SDK1: variants seen among roughly 807,000 people sequenced by gnomAD.
SDK1 encodes the protein sidekick cell adhesion molecule 1.
In SDK1, 157 loss-of-function variants were observed where a neutral mutation model predicts 245.5. The observed-to-expected ratio is 0.64, with a 90% CI of 0.56 to 0.73. SDK1 has a LOEUF of 0.73. Among genes scored for constraint, SDK1 ranks in the 30% least tolerant of loss-of-function variants. The pLI, the probability that SDK1 is intolerant of heterozygous loss-of-function variation, is 0.00. For missense variants in SDK1, 3,583 were observed against 3,002.3 expected, an observed-to-expected ratio of 1.19 and a Z score of -4.52; for synonymous variants, 1,647 against 1,278.5, an observed-to-expected ratio of 1.29 and a Z score of -6.15.
chr7:3,414,309 G>C (rs948535730), intron 1 of SDK1, among the ~76,000 whole-genome samples: 2 of 152,072 alleles, frequency 1.3e-5, no homozygotes, highest in East Asian at 3.9e-4. Flanking sequence ...GTGACGGAAT[G>C]GACTGTTTGG....
chr7:3,598,659 C>CT (rs1382891126), intron 1 of SDK1, among the ~76,000 whole-genome samples: 1 of 152,186 alleles, frequency 6.6e-6, no homozygotes. Context: ...AATCCCTTCT[C>CT]TATTTCTATA....
intron 1 of SDK1, among the ~76,000 whole-genome samples, chr7:3,404,262 A>G (rs558387726): frequency 6.6e-6 from 1 of 152,206 alleles, no homozygotes; most frequent in Non-Finnish European, 1.5e-5. Context: ...AGCTAAGTGC[A>G]GTAAGACAAG....
intron 5 of SDK1, among the ~76,000 whole-genome samples, chr7:3,855,128 C>CGG: frequency 6.6e-6 from 1 of 152,094 alleles, no homozygotes; most frequent in South Asian, 2.1e-4. Context: ...GACAGAAGAG[C>CGG]CCTTCACTCC....
At chr7:4,194,822 A>G (rs541123044) in intron 35 of SDK1, among the ~76,000 whole-genome samples, 2 of 152,248 alleles carry the variant, frequency 1.3e-5, no homozygotes, top group African/African-American at 2.4e-5. Context: ...CACGCCCAGG[A>G]TTAATACTTT....
intron 1 of SDK1, among the ~76,000 whole-genome samples, chr7:3,369,176 C>T (rs6962073): frequency 0.11 from 17,065 of 152,082 alleles, 1,122 homozygotes; most frequent in African/African-American, 0.18. Flanking sequence ...TCCTTAGTAG[C>T]TGGGATTACA....
chr7:4,209,236 GCC>G (rs1784391429), intron 37 of SDK1, among the ~76,000 whole-genome samples: 1 of 152,324 alleles, frequency 6.6e-6, no homozygotes, highest in Admixed American at 6.5e-5. Context: ...AGCACTGCCG[GCC>G]TGGCAGGTCA....
At chr7:3,829,795 A>G (rs931104009) in intron 5 of SDK1, among the ~76,000 whole-genome samples, 1 of 151,930 alleles carries the variant, frequency 6.6e-6, no homozygotes, top group Non-Finnish European at 1.5e-5. Context: ...TATCAAAACC[A>G]CTCCCGATCA....
intron 2 of SDK1, among the ~76,000 whole-genome samples, chr7:3,625,623 T>C (rs1782092611): frequency 6.6e-6 from 1 of 152,248 alleles, no homozygotes; most frequent in Non-Finnish European, 1.5e-5. Context: ...TCTTATGAAA[T>C]GCATCTCAGA....
At chr7:3,892,132 A>AAC (rs1781475853) in intron 5 of SDK1, among the ~76,000 whole-genome samples, 1 of 151,990 alleles carries the variant, frequency 6.6e-6, no homozygotes, top group African/African-American at 2.4e-5. Context: ...GCTTGCCATC[A>AAC]CCTAAACCCA....
intron 1 of SDK1, among the ~76,000 whole-genome samples, chr7:3,460,213 C>T (rs546360085): frequency 6.6e-6 from 1 of 152,102 alleles, no homozygotes; most frequent in Non-Finnish European, 1.5e-5. Context: ...TAGAATGGAG[C>T]CAACTGCAGT....
intron 25 of SDK1, among the ~76,000 whole-genome samples, chr7:4,114,688 A>G (rs58920170): frequency 0.051 from 7,804 of 152,230 alleles, 249 homozygotes; most frequent in African/African-American, 0.074. Flanking sequence ...TAAAAGTTTA[A>G]TTGCTTGAAC....
At chr7:3,509,656 G>C (rs1416805620) in intron 1 of SDK1, among the ~76,000 whole-genome samples, 4 of 152,082 alleles carry the variant, frequency 2.6e-5, no homozygotes, top group African/African-American at 9.7e-5. Context: ...CCTCAACTGT[G>C]CTTACCTGCA....
intron 20 of SDK1, among the ~76,000 whole-genome samples, chr7:4,076,712 A>T (rs559140754): frequency 4.5e-4 from 69 of 152,292 alleles, no homozygotes; most frequent in African/African-American, 1.6e-3. Context: ...AGGTTACCAG[A>T]GCATCCCAGA....
chr7:3,777,339 A>G (rs112902089), intron 4 of SDK1, among the ~76,000 whole-genome samples: 137 of 152,316 alleles, frequency 9.0e-4, no homozygotes, highest in African/African-American at 3.2e-3. Context: ...CTTTTTCCAA[A>G]TAGTTGCATG....
chr7:4,125,422 G>T lies in SDK1; in HGVS notation c.3824-1959G>T, dbSNP rs1420158967. Among the ~76,000 whole-genome samples, 107 of 151,988 alleles carry T rather than the reference G, an allele frequency of 7.0e-4. 1 individual carries two copies. The highest frequency in any genetic ancestry group is 1.9e-4 in the East Asian group (1 of 5,142). On this transcript the variant is annotated intron_variant, in intron 25 of 44. Transcript: ENST00000404826. The stretch of plus-strand genomic sequence containing the variant: ...TGGATAGATGGATGGATGATGGATG[G>T]ATGGATGAGTGAATGGATGAATGGG...
At chr7:3,992,515 G>T (rs541228823) in intron 14 of SDK1, among the ~76,000 whole-genome samples, 1 of 152,326 alleles carries the variant, frequency 6.6e-6, no homozygotes, top group East Asian at 1.9e-4. Context: ...TCCCTGCATT[G>T]AGAGAGTGCA....
intron 17 of SDK1, among the ~76,000 whole-genome samples, chr7:4,017,727 C>A (rs1786529626): frequency 6.6e-6 from 1 of 152,140 alleles, no homozygotes; most frequent in African/African-American, 2.4e-5. Context: ...TTTCAAAGAG[C>A]ACGATGATTA....
chr7:3,936,646 C>T (rs1358842350), intron 5 of SDK1, among the ~76,000 whole-genome samples: 1 of 152,126 alleles, frequency 6.6e-6, no homozygotes, highest in Non-Finnish European at 1.5e-5. Flanking sequence ...CTTGAGCGTC[C>T]TTAACGCCAA....
rs369731384 is a variant in SDK1, at chr7:3,301,824, C to T, written c.238C>T (p.Arg80Cys). The part of the protein sequence containing the change: ...GRRAAKLGPG[R>C]RGWWALLALQ... ...GCGGGCGGCAAAGTTGGGGCCGGGC[C>T]GCCGCGGCTGGTGGGCGCTGCTGGC... The change falls in exon 1 of 45, where the codon CGC (arginine) becomes TGC (cysteine). Residue 80 changes from arginine to cysteine, a missense_variant. Arg to Cys is a radical substitution (Grantham distance 180). Coordinates refer to ENST00000404826, the MANE Select transcript of SDK1 (RefSeq NM_152744.4). 630 of 1,103,434 alleles carry T rather than the reference C, an allele frequency of 5.7e-4. 7 individuals carry two copies. The East Asian group carries it at 0.025, about 43-fold the overall frequency. The allele number at this position is 1,103,434 out of a possible 1,614,324, so 68.4% of individuals were successfully genotyped here.
Sources: gnomAD v4.1 joint callset for allele counts (sites outside exome capture counted in the v4.1 genomes callset) on GRCh38, gnomAD v4.1.1 for gene constraint, MANE v1.5 for transcripts, NCBI Gene and HGNC (gene_info 2026-07-23, HGNC 2026-07-21) for gene names.